The following C3 variants were observed in gnomAD, a reference collection of about 807,000 sequenced individuals.
C3 encodes C3 and PZP-like alpha-2-macroglobulin domain-containing protein 1.
A neutral mutation model predicts 207.9 loss-of-function variants in C3; 97 were observed. The observed-to-expected ratio is 0.47, with a 90% CI of 0.40 to 0.55. C3 has a LOEUF of 0.55. C3 is among the 20% of genes least tolerant of loss of function. The probability of loss-of-function intolerance (pLI) is 0.00; values close to 1 mark genes in which losing one functional copy is unlikely to be tolerated. For missense variants in C3, 1,684 were observed against 2,171.7 expected, an observed-to-expected ratio of 0.78 and a Z score of 4.46; for synonymous variants, 848 against 857.6, an observed-to-expected ratio of 0.99 and a Z score of 0.20.
intron 14 of C3, 73 bp downstream of exon 14, chr19:6,709,611 T>TGGG: frequency 1.8e-6 from 2 of 1,109,446 alleles, no homozygotes; most frequent in Non-Finnish European, 2.7e-6. Context: ...CCCTCTCCAG[T>TGGG]CCCACCCACC....
rs775684509 is a variant in C3 at position 6,714,218 on chromosome 19, A to T, written c.630T>A (p.Tyr210Ter). 1 of 1,613,812 alleles carries T rather than the reference A, an allele frequency of 6.2e-7. No individual in the cohort carries two copies. Among genetic ancestry groups the T allele is most frequent in the Non-Finnish European group, 8.5e-7 (1 of 1,179,988 alleles). The change falls in exon 6 of 41, where the codon TAT becomes TAA. Residue 210 changes from tyrosine to a stop codon, truncating the protein, a stop_gained. Transcript: ENST00000245907. LOFTEE classifies it high-confidence loss of function. ...AGAAGACCTGCTGTGGTGAGTTTTC[A>T]TAGTAGGCTCGGATCTTCCACTGGC... ...NMGQWKIRAY[Y>*]ENSPQQVFST...
intron 33 of C3, chr19:6,683,449 T>G (rs1395385036): frequency 2.5e-5 from 3 of 118,538 alleles, no homozygotes; most frequent in African/African-American, 1.0e-4. Flanking sequence ...TTATTCTATT[T>G]TTTTTTTTTT....
At chr19:6,697,296 G>C in intron 21 of C3, 48 bp downstream of exon 21, 1 of 1,390,236 alleles carries the variant, frequency 7.2e-7, no homozygotes, top group Non-Finnish European at 1.0e-6. Flanking sequence ...ACGAAGACCA[G>C]GAGCCCTCTC....
chr19:6,692,647 C>G, intron 26 of C3, among the ~76,000 whole-genome samples: 1 of 152,190 alleles, frequency 6.6e-6, no homozygotes, highest in East Asian at 1.9e-4. Flanking sequence ...AAGGGATTCC[C>G]AGGCAGGACC....
rs945206710 is a variant in C3 at position 6,702,571 on chromosome 19, C to G, written c.2254G>C (p.Asp752His). ...TTCTCTTCTGCAATGATGTCCTCAT[C>G]CAGGTTACCTGCAGGGGGTTTAGAT... ...SHLGLARSNLDEDIIAEENIV... is the reference protein window; with the variant it reads ...SHLGLARSNLHEDIIAEENIV... The change falls in exon 18 of 41, where the codon GAT becomes CAT. Residue 752 changes from aspartate to histidine, a missense_variant. Transcript: ENST00000245907. The G allele has an allele frequency of 6.2e-7, 1 of 1,610,004 alleles. No individual in the cohort carries two copies. Among genetic ancestry groups the G allele is most frequent in the Non-Finnish European group, 8.5e-7 (1 of 1,176,216 alleles).
At chr19:6,716,815 G>C (rs1437481688) in intron 4 of C3, 2 of 151,858 alleles carry the variant, frequency 1.3e-5, no homozygotes, top group African/African-American at 4.8e-5. Context: ...GTGTAGCGGG[G>C]AGGGGGGACG....
In C3 at chr19:6,679,489, G is replaced by A. The variant is rs150201104; in HGVS notation, c.4464C>T (p.Ser1488=). 7 of 1,610,940 alleles carry A rather than the reference G, an allele frequency of 4.3e-6. No homozygotes were observed. The highest frequency in any genetic ancestry group is 5.9e-6 in the Non-Finnish European group (7 of 1,177,176). ...KVYAYYNLEE[S]CTRFYHPEKE... The stretch of plus-strand genomic sequence containing the variant: ...TTTCCGGATGGTAGAACCGGGTACA[G>A]CTTTCCTCTGCGGGCAGATGTGATG... Residue 1488 remains serine, a synonymous_variant, in exon 37 of 41, where the codon AGC becomes AGT. Coordinates refer to ENST00000245907, the MANE Select transcript of C3 (RefSeq NM_000064.4).
chr19:6,720,491 T>C lies in C3; in HGVS notation c.74+25A>G, dbSNP rs1420522598. ...CTTCCACCCCAGAACCAGCCCTGTT[T>C]GTGGGTAGAGTCATAACCACTCACA... On this transcript the variant is annotated intron_variant, in intron 1 of 40. Coordinates refer to ENST00000245907, the MANE Select transcript of C3 (RefSeq NM_000064.4). 4 of 1,549,222 alleles carry C rather than the reference T, an allele frequency of 2.6e-6. No homozygotes were observed. The Admixed American group carries it at 7.5e-5, about 29-fold the overall frequency.
chr19:6,709,438 C>T (rs1156789242), intron 14 of C3, among the ~76,000 whole-genome samples: 3 of 149,758 alleles, frequency 2.0e-5, no homozygotes, highest in Non-Finnish European at 4.4e-5. Context: ...CAGAGAGAGA[C>T]TCTGTCTCAA....
chr19:6,684,127 G>C (rs1004739338), intron 33 of C3: 2 of 538,390 alleles, frequency 3.7e-6, no homozygotes, highest in Non-Finnish European at 6.7e-6. Context: ...AAACTTTAAA[G>C]GTCATGGAAT....
rs758196561 is a variant in C3, at chr19:6,712,258, G to A, written c.1268C>T (p.Thr423Met). The change falls in exon 11 of 41, where the codon ACG (threonine) becomes ATG (methionine). Residue 423 changes from threonine to methionine, a missense_variant and splice_region_variant. By Grantham distance (81) the Thr-to-Met change is moderately conservative (BLOSUM62 -1). This residue lies in a region of C3 where 1,280 missense variants were observed against 1,739.1 expected (regional missense o/e 0.74). Transcript: ENST00000245907. ...THPSQKPLSI[T>M]VRTKKQELSE... ...TTCCGAGGCTGGGCCCAGACGCACC[G>A]TGATGCTCAAGGGCTTCTGGCTGGG... 3.7e-6 allele frequency: 6 copies of A among 1,613,594 alleles called. No homozygotes were observed. Among genetic ancestry groups the A allele is most frequent in the African/African-American group, 2.7e-5 (2 of 74,924 alleles).
intron 30 of C3, 27 bp from the exon 31 acceptor site, chr19:6,684,861 C>A (rs1175825987): frequency 1.2e-6 from 2 of 1,613,328 alleles, no homozygotes; most frequent in Non-Finnish European, 1.7e-6. Context: ...GAGAAGAGAG[C>A]ATGTTGGGAA....
At chr19:6,701,827 G>C (rs11569457) in intron 19 of C3, among the ~76,000 whole-genome samples, 100,150 of 151,922 alleles carry the variant, frequency 0.66, 33,353 homozygotes, top group East Asian at 0.84. Context: ...GGCTGGCCCT[G>C]TCTCTTTAAA....
Position 6,694,552 on chromosome 19 carries a change from C to T in C3, c.3033G>A (p.Gly1011=), listed in dbSNP as rs1404424981. The T allele has an allele frequency of 6.2e-7, 1 of 1,614,120 alleles. No individual in the cohort carries two copies. Among genetic ancestry groups the T allele is most frequent in the South Asian group, 1.1e-5 (1 of 91,090 alleles). ...KHLIVTPSGC[G]EQNMIGMTPT... Reference sequence around the variant, plus strand: ...GCGTCATGCCGATCATGTTCTGTTCCCCGCAGCCCGAGGGGGTCACAATGA... The same window carrying T: ...GCGTCATGCCGATCATGTTCTGTTCTCCGCAGCCCGAGGGGGTCACAATGA... Residue 1011 remains glycine, a synonymous_variant, in exon 24 of 41, where the codon GGG becomes GGA. Coordinates refer to ENST00000245907, the MANE Select transcript of C3 (RefSeq NM_000064.4).
intron 23 of C3, among the ~76,000 whole-genome samples, chr19:6,694,842 C>T (rs1310649427): frequency 6.6e-6 from 1 of 152,166 alleles, no homozygotes; most frequent in Admixed American, 6.5e-5. Context: ...AGGTGCTTCA[C>T]AGGGGCACCC....
intron 27 of C3, among the ~76,000 whole-genome samples, chr19:6,689,676 T>G (rs1360860084): frequency 6.6e-6 from 1 of 151,836 alleles, no homozygotes; most frequent in Non-Finnish European, 1.5e-5. Context: ...TGAAACCCCA[T>G]CTCTACTAAA....
At position 6,711,237 on chromosome 19, in the gene C3, G is replaced by A. The variant is rs748595788; in HGVS notation, c.1270-41C>T. On this transcript the variant is annotated intron_variant, in intron 11 of 40. Transcript: ENST00000245907. Reference sequence around the variant, plus strand: ...GGGATGCCTGCTGGTCGCCGCCCGAGGATACCCACACCCGAATCCCTGAGA... The same window carrying A: ...GGGATGCCTGCTGGTCGCCGCCCGAAGATACCCACACCCGAATCCCTGAGA... 1.0e-5 allele frequency: 16 copies of A among 1,541,372 alleles called. No individual in the cohort carries two copies. In the South Asian group the frequency reaches 1.8e-4, roughly 17 times the overall value.
At chr19:6,706,637 C>G (rs549090970) in intron 17 of C3, among the ~76,000 whole-genome samples, 1 of 150,234 alleles carries the variant, frequency 6.7e-6, no homozygotes, top group African/African-American at 2.5e-5. Context: ...ATCCTCCCCC[C>G]TCAGACAGAG....
intron 33 of C3, chr19:6,683,032 G>A (rs908504011): frequency 6.6e-6 from 1 of 152,308 alleles, no homozygotes; most frequent in African/African-American, 2.4e-5. Flanking sequence ...GGAACTCAGG[G>A]AAGGCAAATG....
Sources: allele counts gnomAD v4.1 joint callset (sites outside exome capture counted in the v4.1 genomes callset), GRCh38; gene constraint gnomAD v4.1.1; regional missense constraint gnomAD v4.1.1; transcripts MANE v1.5; gene names NCBI Gene and HGNC (gene_info 2026-07-23, HGNC 2026-07-21).